LCT: variants seen among roughly 807,000 people sequenced by gnomAD.
LCT encodes lactase.
In LCT, 90 loss-of-function variants were observed where a neutral mutation model predicts 173.0. That is an observed-to-expected ratio of 0.52 (90% CI 0.44 to 0.62). The LOEUF (loss-of-function observed/expected upper bound fraction) is 0.62, where lower values mean the gene tolerates loss of function less well. Ranked by LOEUF, LCT falls within the 20% of genes least tolerant of loss-of-function variation. The pLI is 0.00. For synonymous variants in LCT, 853 were observed against 957.6 expected, an observed-to-expected ratio of 0.89 and a Z score of 2.02; for missense variants, 1,864 against 2,431.4, an observed-to-expected ratio of 0.77 and a Z score of 4.91.
intron 6 of LCT, among the ~76,000 whole-genome samples, chr2:135,816,957 A>C (rs1469397788): frequency 6.6e-6 from 1 of 151,674 alleles, no homozygotes; most frequent in African/African-American, 2.4e-5. Context: ...CAGCCTCTGC[A>C]TACCAGGCTC....
At chr2:135,814,431 C>G (rs2077762669) in intron 6 of LCT, among the ~76,000 whole-genome samples, 1 of 152,074 alleles carries the variant, frequency 6.6e-6, no homozygotes, top group Non-Finnish European at 1.5e-5. Context: ...ATCAAGTAAA[C>G]AGTGAGCAAC....
intron 1 of LCT, among the ~76,000 whole-genome samples, chr2:135,833,847 T>G (rs1372538556): frequency 6.6e-6 from 1 of 152,204 alleles, no homozygotes; most frequent in African/African-American, 2.4e-5. Flanking sequence ...ACAGAAATTC[T>G]ACTCCCATTA....
At chr2:135,818,506 A>C (rs540385902) in intron 5 of LCT, among the ~76,000 whole-genome samples, 1 of 152,252 alleles carries the variant, frequency 6.6e-6, no homozygotes, top group African/African-American at 2.4e-5. Flanking sequence ...TGGGTACTAC[A>C]ATGATTTATC....
rs1171125418 is a variant in LCT, at chr2:135,790,857, G to A, written c.5136C>T (p.Arg1712=). 6.2e-7 allele frequency: 1 copy of A among 1,614,130 alleles called. No individual in the cohort carries two copies. The highest frequency in any genetic ancestry group is 1.7e-5 in the Admixed American group (1 of 60,020). ...ADRGVASIAD[R]SWPDSGSFWL... ...AGAAGGAGCCAGAGTCTGGCCACGAGCGATCTGCGATGGAAGCAACTCCTC... is the reference window on the plus strand; with the variant it reads ...AGAAGGAGCCAGAGTCTGGCCACGAACGATCTGCGATGGAAGCAACTCCTC... The change falls in exon 15 of 17, where the codon CGC becomes CGT. Residue 1712 remains arginine (R), a synonymous_variant. Coordinates refer to ENST00000264162, the MANE Select transcript of LCT (RefSeq NM_002299.4). The surrounding 1 kb of genome is among the most constrained non-coding windows in gnomAD (Gnocchi z 4.1).
intron 11 of LCT, among the ~76,000 whole-genome samples, chr2:135,801,974 T>A (rs1366159784): frequency 6.6e-6 from 1 of 152,072 alleles, no homozygotes; most frequent in African/African-American, 2.4e-5. Context: ...TGGGCTCAAA[T>A]GAATTGACAG....
chr2:135,805,049 AC>A lies in LCT; in HGVS notation c.4181del (p.Gly1394ValfsTer21). ...GTCCTTTGCCATCTGCTCTCCACGC[AC>A]CTTCAATCTCAAGATGACAAGACAT... is the stretch of plus-strand genomic sequence containing the variant. ...SAASAAYQIE[G>X]AWRADGKGLS... On this transcript the variant is annotated frameshift_variant, in exon 10 of 17. Coordinates refer to ENST00000264162, the MANE Select transcript of LCT (RefSeq NM_002299.4). LOFTEE classifies it high-confidence loss of function. 1.9e-6 allele frequency: 3 copies of A among 1,614,128 alleles called. No individual in the cohort carries two copies. The highest frequency in any genetic ancestry group is 2.5e-6 in the Non-Finnish European group (3 of 1,179,988).
At chr2:135,834,787 C>CAAAAAAAAAA (rs60298631) in intron 1 of LCT, among the ~76,000 whole-genome samples, 1,144 of 34,086 alleles carry the variant, frequency 0.034, 147 homozygotes, top group South Asian at 0.055. Context: ...GACTCCATCT[C>CAAAAAAAAAA]AAAAAAAAAA....
At chr2:135,824,881 T>C (rs1272012810) in intron 3 of LCT, among the ~76,000 whole-genome samples, 6 of 150,530 alleles carry the variant, frequency 4.0e-5, no homozygotes, top group African/African-American at 1.5e-4. Context: ...TGCACGCCTG[T>C]AATATCAGCT....
rs373527913 is a variant in LCT, at chr2:135,826,184, GGA to G, written c.805-2183_805-2182del. 1.7e-3 allele frequency among the ~76,000 whole-genome samples: 256 copies of G among 152,256 alleles called. 2 individuals carry two copies. The highest frequency in any genetic ancestry group is 5.8e-3 in the African/African-American group (239 of 41,544). On this transcript the variant is annotated intron_variant, in intron 3 of 16. Coordinates refer to ENST00000264162, the MANE Select transcript of LCT (RefSeq NM_002299.4). ...ATAAATGGCTGCTAAGTTTGTCCAG[GGA>G]GAGTTTTACTATTTGGCTGGCCAGC...
intron 7 of LCT, 86 bp downstream of exon 7, chr2:135,812,225 A>T (rs1393482548): frequency 1.8e-6 from 2 of 1,104,584 alleles, no homozygotes; most frequent in Non-Finnish European, 2.8e-6. Context: ...TCTCTAGGAG[A>T]CTTTCTTTGT....
chr2:135,814,045 A>G (rs950807459), intron 6 of LCT, among the ~76,000 whole-genome samples: 5 of 152,218 alleles, frequency 3.3e-5, no homozygotes, highest in African/African-American at 9.6e-5. Context: ...GTAATTATGG[A>G]TCCATCTGGG....
At chr2:135,804,647 A>G in intron 10 of LCT, 120 bp downstream of exon 10, 1 of 1,013,408 alleles carries the variant, frequency 9.9e-7, no homozygotes, top group Non-Finnish European at 1.5e-6. Flanking sequence ...CTCAAAAACA[A>G]CAATAACAAC....
rs60681905 is a variant in LCT, at chr2:135,829,830, A to AGTGTGTGTGTGTGT, written c.721-168_721-155dup. 8.3e-3 allele frequency among the ~76,000 whole-genome samples: 1,214 copies of AGTGTGTGTGTGTGT among 146,694 alleles called. 23 individuals are homozygous for AGTGTGTGTGTGTGT. The highest frequency in any genetic ancestry group is 0.028 in the African/African-American group (1,105 of 39,450). On this transcript the variant is annotated intron_variant, in intron 2 of 16. Coordinates refer to ENST00000264162, the MANE Select transcript of LCT (RefSeq NM_002299.4). ...GGAAAAGATGGAGATGGAATGAGAA[A>AGTGTGTGTGTGTGT]GTGTGTGTGTGTGTGTGTGTGTGTG...
chr2:135,795,352 C>T (rs1028344466), intron 13 of LCT, among the ~76,000 whole-genome samples: 3 of 151,616 alleles, frequency 2.0e-5, no homozygotes, highest in Non-Finnish European at 4.4e-5. Flanking sequence ...GGACTACAAG[C>T]GCCTGCCACA....
intron 3 of LCT, among the ~76,000 whole-genome samples, chr2:135,825,226 A>G (rs2077878474): frequency 6.6e-6 from 1 of 152,144 alleles, no homozygotes; most frequent in Non-Finnish European, 1.5e-5. Flanking sequence ...ACCAAAAGAT[A>G]CCAATAGTAA....
At chr2:135,800,877 T>A in intron 11 of LCT, 68 bp from the exon 12 acceptor site, 1 of 1,195,662 alleles carries the variant, frequency 8.4e-7, no homozygotes, top group Non-Finnish European at 1.2e-6. Context: ...TGTTAGTCCC[T>A]GCCTGCAGAT....
At chr2:135,835,482 GTATATATATATATATATATATATATA>G (rs55900419) in intron 1 of LCT, among the ~76,000 whole-genome samples, 5,184 of 67,968 alleles carry the variant, frequency 0.076, 568 homozygotes, top group African/African-American at 0.18. Context: ...GAACATAGAA[GTATATATATATATATATATATATATA>G]TATATATATA....
chr2:135,834,799 A>AAAAAAAAAAAAAAAAAAAAAAAAAC (rs2077971691), intron 1 of LCT, among the ~76,000 whole-genome samples: 1 of 148,456 alleles, frequency 6.7e-6, no homozygotes, highest in Non-Finnish European at 1.5e-5. Context: ...AAAAAAAAAA[A>AAAAAAAAAAAAAAAAAAAAAAAAAC]AAAAAAAAAA....
chr2:135,814,216 C>T (rs1044905270), intron 6 of LCT, among the ~76,000 whole-genome samples: 1 of 152,188 alleles, frequency 6.6e-6, no homozygotes, highest in African/African-American at 2.4e-5. Context: ...ATCACTAAAA[C>T]GCCTGGCTGC....
Sources: gnomAD v4.1 joint callset for allele counts (sites outside exome capture counted in the v4.1 genomes callset) on GRCh38, gnomAD v4.1.1 for gene constraint, Gnocchi (gnomAD v3.1) non-coding constraint, MANE v1.5 for transcripts, NCBI Gene and HGNC (gene_info 2026-07-23, HGNC 2026-07-21) for gene names.